NUBPL: variants seen among roughly 807,000 people sequenced by gnomAD.
NUBPL encodes the protein NUBP iron-sulfur cluster assembly factor, mitochondrial.
Under a neutral mutation model 45.7 loss-of-function variants are expected in NUBPL, and 31 were observed. The observed-to-expected ratio is 0.68, with a 90% CI of 0.51 to 0.92. The LOEUF is 0.92. Among genes scored for constraint, NUBPL ranks in the 40% least tolerant of loss-of-function variants. The pLI, the probability that NUBPL is intolerant of heterozygous loss-of-function variation, is 0.00. For missense variants in NUBPL, 401 were observed against 398.7 expected (o/e 1.01, Z -0.05); for synonymous variants, 144 against 140.9 (o/e 1.02, Z -0.15).
chr14:31,809,414 A>G (rs1400927969), intron 7 of NUBPL, among the ~76,000 whole-genome samples: 9 of 152,122 alleles, frequency 5.9e-5, no homozygotes, highest in South Asian at 2.1e-4. Flanking sequence ...AGAGGTGTTT[A>G]TAGTATTCTC....
chr14:31,792,362 G>A (rs969902064), intron 7 of NUBPL, among the ~76,000 whole-genome samples: 3 of 152,112 alleles, frequency 2.0e-5, no homozygotes, highest in Non-Finnish European at 4.4e-5. Flanking sequence ...AGACTACTTT[G>A]GGCCTCTTTA....
chr14:31,669,797 G>GTT lies in NUBPL; in HGVS notation c.383-3548_383-3547dup, dbSNP rs1211411877. Reference sequence around the variant, plus strand: ...TCTTCCTGCAAAAGACATGATCTTGGTTTTTTTTTTTGTTTTTTTTTTTTT... The same window carrying GTT: ...TCTTCCTGCAAAAGACATGATCTTGGTTTTTTTTTTTTTGTTTTTTTTTTTTT... On this transcript the variant is annotated intron_variant, in intron 4 of 10. Transcript: ENST00000281081. Among the ~76,000 whole-genome samples, 566 of 68,600 alleles carry GTT rather than the reference G, an allele frequency of 8.3e-3. 47 individuals are homozygous for GTT. The highest frequency in any genetic ancestry group is 0.03 in the African/African-American group (506 of 17,044). 45.0% of individuals were successfully genotyped at this position (68,600 alleles called of 152,430 possible).
chr14:31,808,802 AT>A (rs1199411651), intron 7 of NUBPL, among the ~76,000 whole-genome samples: 1 of 152,160 alleles, frequency 6.6e-6, no homozygotes, highest in Non-Finnish European at 1.5e-5. Context: ...TCAATACCAA[AT>A]TTATTGAGAG....
intron 6 of NUBPL, among the ~76,000 whole-genome samples, chr14:31,676,876 G>C (rs1275671219): frequency 6.6e-6 from 1 of 151,718 alleles, no homozygotes; most frequent in African/African-American, 2.4e-5. Flanking sequence ...CCCAGTCTGT[G>C]GCTTGTCTTT....
intron 6 of NUBPL, among the ~76,000 whole-genome samples, chr14:31,748,246 T>C (rs2038443663): frequency 1.3e-5 from 2 of 152,244 alleles, no homozygotes; most frequent in South Asian, 4.1e-4. Flanking sequence ...GAATGGTCCA[T>C]GTGCTGATGA....
chr14:31,641,076 C>A (rs978655485), intron 4 of NUBPL, among the ~76,000 whole-genome samples: 2 of 152,058 alleles, frequency 1.3e-5, no homozygotes, highest in Non-Finnish European at 2.9e-5. Flanking sequence ...CTCAGCCTCC[C>A]CTGTAGCTGG....
intron 4 of NUBPL, among the ~76,000 whole-genome samples, chr14:31,663,619 T>C (rs1400410686): frequency 6.6e-6 from 1 of 152,246 alleles, no homozygotes; most frequent in Non-Finnish European, 1.5e-5. Flanking sequence ...GGTACCAGTA[T>C]CGTGCTGTTT....
chr14:31,725,746 G>C (rs2037908685), intron 6 of NUBPL, among the ~76,000 whole-genome samples: 1 of 112,084 alleles, frequency 8.9e-6, no homozygotes, highest in Non-Finnish European at 1.7e-5. Context: ...GTCTCACTCT[G>C]TTGCCCAGGC....
chr14:31,718,118 C>T (rs748575819), intron 6 of NUBPL, among the ~76,000 whole-genome samples: 21 of 152,090 alleles, frequency 1.4e-4, no homozygotes, highest in African/African-American at 1.9e-4. Context: ...TTATCTTTCA[C>T]GGAAAACATA....
At chr14:31,591,917 T>C (rs1300962358) in intron 3 of NUBPL, among the ~76,000 whole-genome samples, 1 of 152,190 alleles carries the variant, frequency 6.6e-6, no homozygotes, top group Non-Finnish European at 1.5e-5. Context: ...TTCAGAATAC[T>C]TGGGGATATT....
intron 4 of NUBPL, among the ~76,000 whole-genome samples, chr14:31,626,046 C>T (rs1489513033): frequency 6.6e-6 from 1 of 152,144 alleles, no homozygotes; most frequent in East Asian, 1.9e-4. Context: ...GACAGCAAAA[C>T]TGTGGGCCAT....
Position 31,846,492 on chromosome 14 carries a change from A to G in NUBPL, c.715A>G (p.Met239Val). 3 of 1,612,830 alleles carry G rather than the reference A, an allele frequency of 1.9e-6. No individual in the cohort carries two copies. Among genetic ancestry groups the G allele is most frequent in the Non-Finnish European group, 2.5e-6 (3 of 1,179,348 alleles). The change falls in exon 9 of 11, where the codon ATG (methionine) becomes GTG (valine). Residue 239 changes from methionine (M) to valine (V), a missense_variant. Met to Val is a conservative substitution (Grantham distance 21). Transcript: ENST00000281081. Reference protein sequence around the residue: ...HVPVLGLVQNMSVFQCPKCKH... With the variant: ...HVPVLGLVQNVSVFQCPKCKH... ...CTAGGTCCTTGGCCTTGTCCAAAACATGAGTGTTTTCCAGTGTCCAAAATG... is the reference window on the plus strand; with the variant it reads ...CTAGGTCCTTGGCCTTGTCCAAAACGTGAGTGTTTTCCAGTGTCCAAAATG...
chr14:31,817,327 A>G (rs992026324), intron 7 of NUBPL, among the ~76,000 whole-genome samples: 23 of 152,124 alleles, frequency 1.5e-4, no homozygotes, highest in Non-Finnish European at 3.2e-4. Flanking sequence ...AACACAGAGA[A>G]CACTGCAAAG....
intron 8 of NUBPL, among the ~76,000 whole-genome samples, chr14:31,841,203 A>G (rs976771912): frequency 2.0e-5 from 3 of 152,202 alleles, no homozygotes; most frequent in African/African-American, 7.2e-5. Context: ...TTGATACATA[A>G]CTGGAAGTGG....
chr14:31,856,759 TCA>T (rs2040627526), intron 10 of NUBPL, among the ~76,000 whole-genome samples: 1 of 152,226 alleles, frequency 6.6e-6, no homozygotes, highest in Non-Finnish European at 1.5e-5. Flanking sequence ...ACTCTATGTC[TCA>T]CATCTAGGTC....
intron 7 of NUBPL, among the ~76,000 whole-genome samples, chr14:31,820,657 C>T (rs942929731): frequency 6.6e-6 from 1 of 151,952 alleles, no homozygotes; most frequent in Non-Finnish European, 1.5e-5. Flanking sequence ...AACCCCATCT[C>T]TGCCAAAAAT....
At chr14:31,701,956 T>C (rs1425109210) in intron 6 of NUBPL, among the ~76,000 whole-genome samples, 1 of 152,170 alleles carries the variant, frequency 6.6e-6, no homozygotes, top group Non-Finnish European at 1.5e-5. Flanking sequence ...TTAGGTCAAA[T>C]AATGGTGTTA....
intron 3 of NUBPL, among the ~76,000 whole-genome samples, chr14:31,583,261 CTT>C (rs1314159181): frequency 6.6e-6 from 1 of 152,104 alleles, no homozygotes. Context: ...GAAAACCTCT[CTT>C]GTTTCTCTTG....
intron 6 of NUBPL, among the ~76,000 whole-genome samples, chr14:31,762,574 A>G (rs2038834727): frequency 6.6e-6 from 1 of 152,236 alleles, no homozygotes; most frequent in Non-Finnish European, 1.5e-5. Context: ...ATGACATATT[A>G]AATGATTCAG....
Sources: gnomAD v4.1 joint callset for allele counts (sites outside exome capture counted in the v4.1 genomes callset) on GRCh38, gnomAD v4.1.1 for gene constraint, MANE v1.5 for transcripts, NCBI Gene and HGNC (gene_info 2026-07-23, HGNC 2026-07-21) for gene names.